The following MAL2 variants were observed in gnomAD, a reference collection of about 807,000 sequenced individuals.
MAL2 encodes the protein mal, T cell differentiation protein 2.
Under a neutral mutation model 18.1 loss-of-function variants are expected in MAL2, and 17 were observed. That is an observed-to-expected ratio of 0.94 (90% CI 0.64 to 1.41). The LOEUF (loss-of-function observed/expected upper bound fraction) is 1.41, where lower values mean the gene tolerates loss of function less well. Ranked by LOEUF, MAL2 falls within the 40% of genes most tolerant of loss-of-function variation. MAL2 has a pLI of 0.00. For synonymous variants in MAL2, 102 were observed against 102.3 expected, an observed-to-expected ratio of 1.00 and a Z score of 0.02; for missense variants, 222 against 231.9, an observed-to-expected ratio of 0.96 and a Z score of 0.28.
intron 2 of MAL2, among the ~76,000 whole-genome samples, chr8:119,232,101 T>A (rs1050027366): frequency 6.6e-6 from 1 of 151,878 alleles, no homozygotes; most frequent in Non-Finnish European, 1.5e-5. Flanking sequence ...AGGTTTTATA[T>A]ATTTTTTTAT....
intron 2 of MAL2, among the ~76,000 whole-genome samples, chr8:119,234,460 G>C (rs947507690): frequency 2.6e-4 from 40 of 152,210 alleles, no homozygotes; most frequent in African/African-American, 9.4e-4. Flanking sequence ...GCCCACCACA[G>C]CTCAAGAAGG....
chr8:119,220,195 A>T (rs1192363367), intron 1 of MAL2, among the ~76,000 whole-genome samples: 2 of 152,200 alleles, frequency 1.3e-5, no homozygotes, highest in East Asian at 1.9e-4. Context: ...TCAAGCCTAG[A>T]GGCCCATTCC....
chr8:119,229,072 G>C (rs1817654032), intron 2 of MAL2, among the ~76,000 whole-genome samples: 1 of 152,106 alleles, frequency 6.6e-6, no homozygotes, highest in Admixed American at 6.6e-5. Flanking sequence ...CCAGGTATGG[G>C]ATGGTTGATG....
chr8:119,225,712 T>C (rs538259860), intron 2 of MAL2, among the ~76,000 whole-genome samples: 3 of 152,338 alleles, frequency 2.0e-5, no homozygotes, highest in African/African-American at 7.2e-5. Flanking sequence ...TCCACAATGG[T>C]TGAACTAGTT....
At position 119,228,597 on chromosome 8, in the gene MAL2, T is replaced by C. The variant is rs146483377; in HGVS notation, c.303+6840T>C. ...GGCCAGCAGCTTCTAGGTGGTGCAG[T>C]ACATGATGCAGCCCATGGGTAGGCA... On this transcript the variant is annotated intron_variant, in intron 2 of 3. Coordinates refer to ENST00000614891, the MANE Select transcript of MAL2 (RefSeq NM_052886.3). Among the ~76,000 whole-genome samples, 432 of 152,194 alleles carry C rather than the reference T, an allele frequency of 2.8e-3. 1 individual carries two copies. The highest frequency in any genetic ancestry group is 9.8e-3 in the African/African-American group (407 of 41,542).
chr8:119,236,209 A>C lies in MAL2; in HGVS notation c.304-3956A>C, dbSNP rs1371636380. ...AAAGAGACAAAGAAGGCCATTACAT[A>C]ATGGTAAAGGGATCAATTCAACAAG... On this transcript the variant is annotated intron_variant, in intron 2 of 3. Coordinates refer to ENST00000614891, the MANE Select transcript of MAL2 (RefSeq NM_052886.3). Among the ~76,000 whole-genome samples the C allele has an allele frequency of 7.3e-4, 81 of 111,480 alleles. No homozygotes were observed. In the South Asian group the frequency reaches 0.013, roughly 18 times the overall value. 73.1% of individuals were successfully genotyped at this position (111,480 alleles called of 152,430 possible).
intron 2 of MAL2, chr8:119,224,420 A>T (rs1817538528): frequency 6.6e-6 from 1 of 152,174 alleles, no homozygotes; most frequent in African/African-American, 2.4e-5. Flanking sequence ...ATTTTAGAAA[A>T]ATAGAGCTAT....
chr8:119,210,307 C>G (rs1407794671), intron 1 of MAL2, among the ~76,000 whole-genome samples: 3 of 152,020 alleles, frequency 2.0e-5, no homozygotes, highest in African/African-American at 7.3e-5. Flanking sequence ...GCCCTCTAAT[C>G]AAATACCATC....
chr8:119,211,817 T>C (rs1817272011), intron 1 of MAL2, among the ~76,000 whole-genome samples: 1 of 152,036 alleles, frequency 6.6e-6, no homozygotes, highest in African/African-American at 2.4e-5. Flanking sequence ...CCACAGAGTT[T>C]AATACTAAGT....
At chr8:119,227,341 G>A (rs577387025) in intron 2 of MAL2, among the ~76,000 whole-genome samples, 1 of 152,210 alleles carries the variant, frequency 6.6e-6, no homozygotes, top group Admixed American at 6.5e-5. Context: ...AAGGGAAAGG[G>A]GAGATAACAC....
chr8:119,235,647 C>T (rs1382615431), intron 2 of MAL2, among the ~76,000 whole-genome samples: 2 of 151,992 alleles, frequency 1.3e-5, no homozygotes, highest in East Asian at 3.9e-4. Flanking sequence ...CAATATTCAA[C>T]ATTCTTAAAG....
rs371651309 is a variant in MAL2 at position 119,218,816 on chromosome 8, T to A, written c.133-2771T>A. Among the ~76,000 whole-genome samples the A allele has an allele frequency of 2.4e-3, 360 of 152,336 alleles. 5 individuals carry two copies. The highest frequency in any genetic ancestry group is 8.3e-3 in the African/African-American group (345 of 41,584). On this transcript the variant is annotated intron_variant, in intron 1 of 3. Coordinates refer to ENST00000614891, the MANE Select transcript of MAL2 (RefSeq NM_052886.3). Reference sequence around the variant, plus strand: ...ATGTTTATCTATTTGGCTCTGCCTGTCCCTAACAAACAGTGGCCAATTGCT... The same window carrying A: ...ATGTTTATCTATTTGGCTCTGCCTGACCCTAACAAACAGTGGCCAATTGCT...
intron 2 of MAL2, among the ~76,000 whole-genome samples, chr8:119,239,254 T>C (rs1339817472): frequency 1.3e-5 from 2 of 151,520 alleles, no homozygotes; most frequent in Admixed American, 6.6e-5. Context: ...AGAATGGCAA[T>C]CATTAAAAAG....
At chr8:119,233,739 C>T (rs1193279964) in intron 2 of MAL2, among the ~76,000 whole-genome samples, 1 of 151,856 alleles carries the variant, frequency 6.6e-6, no homozygotes, top group African/African-American at 2.4e-5. Context: ...CCGAATTCTA[C>T]CAGAGGTACA....
chr8:119,208,414 G>C lies in MAL2; in HGVS notation c.-59G>C. The C allele has an allele frequency of 1.0e-6, 1 of 997,504 alleles. No individual in the cohort carries two copies. Among genetic ancestry groups the C allele is most frequent in the Non-Finnish European group, 1.2e-6 (1 of 818,678 alleles). The allele number at this position is 997,504 out of a possible 1,614,324, so 61.8% of individuals were successfully genotyped here. ...GCGGCGGCGGCGGCGGCAGGAGCCC[G>C]GGAGGCGGAGGCGGGAGGCGGCGGC... is the stretch of plus-strand genomic sequence containing the variant. On this transcript the variant is annotated 5_prime_UTR_variant, in exon 1 of 4. Coordinates refer to ENST00000614891, the MANE Select transcript of MAL2 (RefSeq NM_052886.3). The surrounding 1 kb of genome is among the most constrained non-coding windows in gnomAD (Gnocchi z 4.3).
At chr8:119,236,495 T>A (rs1250691033) in intron 2 of MAL2, among the ~76,000 whole-genome samples, 1 of 151,018 alleles carries the variant, frequency 6.6e-6, no homozygotes. Context: ...ATATACATTT[T>A]TTTCAGCACC....
intron 1 of MAL2, among the ~76,000 whole-genome samples, chr8:119,210,901 A>G (rs577776085): frequency 3.3e-5 from 5 of 152,276 alleles, no homozygotes. Context: ...CCATTGAAAA[A>G]TGACCAAAAT....
At chr8:119,236,789 A>G (rs2129900237) in intron 2 of MAL2, among the ~76,000 whole-genome samples, 1 of 151,598 alleles carries the variant, frequency 6.6e-6, no homozygotes, top group East Asian at 1.9e-4. Context: ...ACCCATTCAA[A>G]GCAGTGTGTA....
At chr8:119,222,028 C>T (rs763414707) in intron 2 of MAL2, among the ~76,000 whole-genome samples, 17 of 152,224 alleles carry the variant, frequency 1.1e-4, no homozygotes, top group Non-Finnish European at 1.5e-4. Flanking sequence ...TCATTTCATA[C>T]GGCAAATGAA....
Sources: gnomAD v4.1 joint callset for allele counts (sites outside exome capture counted in the v4.1 genomes callset) on GRCh38, gnomAD v4.1.1 for gene constraint, Gnocchi (gnomAD v3.1) non-coding constraint, MANE v1.5 for transcripts, NCBI Gene and HGNC (gene_info 2026-07-23, HGNC 2026-07-21) for gene names.